ATG16L1: variants seen among roughly 807,000 people sequenced by gnomAD.
ATG16L1 encodes the protein autophagy related 16 like 1.
In ATG16L1, 37 loss-of-function variants were observed where a neutral mutation model predicts 88.5. That is an observed-to-expected ratio of 0.42 (90% CI 0.32 to 0.55). The LOEUF (loss-of-function observed/expected upper bound fraction) is 0.55, where lower values mean the gene tolerates loss of function less well. ATG16L1 is among the 20% of genes least tolerant of loss of function. The pLI, the probability that ATG16L1 is intolerant of heterozygous loss-of-function variation, is 0.13. For synonymous variants in ATG16L1, 301 were observed against 281.0 expected (o/e 1.07, Z -0.71); for missense variants, 554 against 752.8 (o/e 0.74, Z 3.09).
In ATG16L1 at chr2:233,264,988, G is replaced by A. The variant is rs1442154079; in HGVS notation, c.486G>A (p.Leu162=). Residue 162 remains leucine, a synonymous_variant, in exon 5 of 18, where the codon CTG becomes CTA. Transcript: ENST00000392017. ...ACCTTGAAAGAGCCAACCAGACCCTGAAGGATGAATATGATGCCCTGCAGA... is the reference window on the plus strand; with the variant it reads ...ACCTTGAAAGAGCCAACCAGACCCTAAAGGATGAATATGATGCCCTGCAGA... The part of the protein sequence containing the change: ...LCDLERANQT[L]KDEYDALQIT... 6.2e-7 allele frequency: 1 copy of A among 1,614,064 alleles called. No homozygotes were observed. Among genetic ancestry groups the A allele is most frequent in the African/African-American group, 1.3e-5 (1 of 74,932 alleles).
chr2:233,254,486 T>C (rs1456096596), intron 1 of ATG16L1, among the ~76,000 whole-genome samples: 1 of 152,122 alleles, frequency 6.6e-6, no homozygotes, highest in Non-Finnish European at 1.5e-5. Context: ...GTTCAGTCCG[T>C]GCCTTTGAGT....
intron 5 of ATG16L1, 137 bp from the exon 6 acceptor site, chr2:233,269,865 G>C (rs1417382732): frequency 2.7e-6 from 2 of 741,624 alleles, no homozygotes; most frequent in East Asian, 2.9e-5. Flanking sequence ...TGTGACTTTT[G>C]AGTATTTTGC....
intron 16 of ATG16L1, 105 bp from the exon 17 acceptor site, chr2:233,293,151 G>A: frequency 1.1e-6 from 1 of 944,164 alleles, no homozygotes; most frequent in Non-Finnish European, 1.7e-6. Flanking sequence ...ACACAGGAGT[G>A]GTCATCAGTG....
intron 6 of ATG16L1, among the ~76,000 whole-genome samples, chr2:233,272,431 T>G (rs1206298164): frequency 2.0e-5 from 3 of 152,256 alleles, no homozygotes; most frequent in Non-Finnish European, 4.4e-5. Context: ...AAAGTAATAT[T>G]TGAAACTGGG....
intron 3 of ATG16L1, 79 bp from the exon 4 acceptor site, chr2:233,263,909 AAAAT>A: frequency 7.3e-7 from 1 of 1,379,018 alleles, no homozygotes; most frequent in Non-Finnish European, 1.0e-6. Flanking sequence ...TTCTTTCTTA[AAAAT>A]AAATCGCCAC....
chr2:233,263,295 G>C (rs576342312), intron 3 of ATG16L1, 60 bp downstream of exon 3: 1 of 1,486,310 alleles, frequency 6.7e-7, no homozygotes, highest in African/African-American at 1.4e-5. Flanking sequence ...TGTGGGGAGC[G>C]GGGGAGCTCA....
At chr2:233,273,124 C>A in intron 7 of ATG16L1, 72 bp downstream of exon 7, 1 of 1,306,280 alleles carries the variant, frequency 7.7e-7, no homozygotes, top group East Asian at 2.3e-5. Context: ...GTGGACATGA[C>A]AAAGAATGCA....
chr2:233,273,969 G>T, intron 8 of ATG16L1, 192 bp downstream of exon 8: 2 of 1,550,952 alleles, frequency 1.3e-6, no homozygotes, highest in South Asian at 2.4e-5. Flanking sequence ...GCTGCGTGCT[G>T]ATCTCTGGCC....
intron 5 of ATG16L1, among the ~76,000 whole-genome samples, chr2:233,268,605 C>G (rs1170807577): frequency 6.6e-6 from 1 of 152,184 alleles, no homozygotes; most frequent in Non-Finnish European, 1.5e-5. Flanking sequence ...TTCAGACAGT[C>G]AACAAGTGCT....
chr2:233,256,698 T>TC (rs1055130925), intron 2 of ATG16L1, among the ~76,000 whole-genome samples: 180 of 151,886 alleles, frequency 1.2e-3, no homozygotes, highest in Non-Finnish European at 2.2e-3. Flanking sequence ...TTTTTCTTTT[T>TC]TTTTTTTTTC....
chr2:233,293,380 C>T, intron 17 of ATG16L1, 23 bp downstream of exon 17: 10 of 1,599,826 alleles, frequency 6.3e-6, no homozygotes, highest in Non-Finnish European at 6.9e-6. Flanking sequence ...CTGTCTCAGC[C>T]CCCCGTTGCG....
At chr2:233,292,052 CT>C (rs1002862534) in intron 14 of ATG16L1, 75 bp from the exon 15 acceptor site, 45 of 1,544,002 alleles carry the variant, frequency 2.9e-5, no homozygotes, top group Middle Eastern at 3.5e-4. Flanking sequence ...ATTGCAGTGC[CT>C]TTTTTTTCCT....
At position 233,251,755 on chromosome 2, in the gene ATG16L1, C is replaced by T. The variant is rs1696384445; in HGVS notation, c.-73C>T. 1 of 1,388,880 alleles carries T rather than the reference C, an allele frequency of 7.2e-7. No homozygotes were observed. The highest frequency in any genetic ancestry group is 2.0e-5 in the Admixed American group (1 of 50,520). 86.0% of individuals were successfully genotyped at this position (1,388,880 alleles called of 1,614,324 possible). On this transcript the variant is annotated 5_prime_UTR_variant, in exon 1 of 18. Coordinates refer to ENST00000392017, the MANE Select transcript of ATG16L1 (RefSeq NM_030803.7). The stretch of plus-strand genomic sequence containing the variant: ...CCGGCATTCCCGCTTCTGCTGGTTG[C>T]TTCATGCTGCAGGCTGCGGCCGTCA...
intron 10 of ATG16L1, among the ~76,000 whole-genome samples, chr2:233,279,095 T>C (rs981576686): frequency 6.6e-6 from 1 of 152,100 alleles, no homozygotes; most frequent in African/African-American, 2.4e-5. Flanking sequence ...GGAAGATCAA[T>C]TGAGCCCAGG....
intron 12 of ATG16L1, among the ~76,000 whole-genome samples, chr2:233,289,408 T>TGTGTGTGTGAGA (rs144316394): frequency 6.7e-6 from 1 of 149,654 alleles, no homozygotes; most frequent in South Asian, 2.1e-4. Flanking sequence ...TGTGTGTGTG[T>TGTGTGTGTGAGA]GACAGGATCT....
rs1699507247 is a variant in ATG16L1 at position 233,292,177 on chromosome 2, C to T, written c.1480C>T (p.Leu494=). 6.2e-7 allele frequency: 1 copy of T among 1,614,210 alleles called. No individual in the cohort carries two copies. The highest frequency in any genetic ancestry group is 2.2e-5 in the East Asian group (1 of 44,880). Residue 494 remains leucine, a synonymous_variant, in exon 15 of 18, where the codon CTG becomes TTG. Transcript: ENST00000392017. ...EMELLGKITA[L]DLNPERTELL... Reference sequence around the variant, plus strand: ...GGAGCTGTTGGGAAAGATTACTGCCCTGGACTTAAACCCAGAAAGGACTGA... The same window carrying T: ...GGAGCTGTTGGGAAAGATTACTGCCTTGGACTTAAACCCAGAAAGGACTGA...
intron 5 of ATG16L1, among the ~76,000 whole-genome samples, 173 bp from the exon 6 acceptor site, chr2:233,269,829 C>G (rs1418330486): frequency 6.6e-6 from 1 of 152,156 alleles, no homozygotes; most frequent in African/African-American, 2.4e-5. Context: ...AAAAGGGGAG[C>G]CTTACTGATG....
chr2:233,251,963 C>A, intron 1 of ATG16L1, 21 bp downstream of exon 1: 1 of 1,518,016 alleles, frequency 6.6e-7, no homozygotes, highest in Non-Finnish European at 8.8e-7. Context: ...CCGGTGCGGG[C>A]TGGGAGTGGG....
chr2:233,290,409 C>A, intron 14 of ATG16L1, 56 bp downstream of exon 14: 1 of 1,368,866 alleles, frequency 7.3e-7, no homozygotes, highest in Non-Finnish European at 1.0e-6. Context: ...AGTAATGGTT[C>A]TGTACATGGG....
Sources: gnomAD v4.1 joint callset for allele counts (sites outside exome capture counted in the v4.1 genomes callset) on GRCh38, gnomAD v4.1.1 for gene constraint, MANE v1.5 for transcripts, NCBI Gene and HGNC (gene_info 2026-07-23, HGNC 2026-07-21) for gene names.